TPST2: variants seen among roughly 807,000 people sequenced by gnomAD.
TPST2 encodes the protein tyrosylprotein sulfotransferase 2.
In TPST2, 16 loss-of-function variants were observed where a neutral mutation model predicts 27.8. The ratio of observed to expected loss-of-function variants is 0.58; its 90% CI spans 0.39 to 0.88. The LOEUF is 0.88. Among genes scored for constraint, TPST2 ranks in the 40% least tolerant of loss-of-function variants. TPST2 has a pLI of 0.00. For missense variants in TPST2, 464 were observed against 543.1 expected, an observed-to-expected ratio of 0.85 and a Z score of 1.45; for synonymous variants, 229 against 231.7, an observed-to-expected ratio of 0.99 and a Z score of 0.10.
chr22:26,525,104 A>G lies in TPST2; in HGVS notation c.*1171T>C, dbSNP rs1602243237. 1 of 152,218 alleles carries G rather than the reference A, an allele frequency of 6.6e-6. No homozygotes were observed. Among genetic ancestry groups the G allele is most frequent in the African/African-American group, 2.4e-5 (1 of 41,448 alleles). The allele number at this position is 152,218 out of a possible 1,614,324, so 9.4% of individuals were successfully genotyped here. A position where few individuals can be genotyped will look rare whatever the true frequency, so the allele number is the denominator to read the frequency against. ...GCTAGGGTGAGCTTTCTGGCTGGTA[A>G]TATTTAGTACGTGTTGTCACATATC... is the stretch of plus-strand genomic sequence containing the variant. On this transcript the variant is annotated 3_prime_UTR_variant, in exon 7 of 7. Transcript: ENST00000338754.
intron 1 of TPST2, among the ~76,000 whole-genome samples, chr22:26,561,634 T>C (rs1304584005): frequency 6.6e-6 from 1 of 152,214 alleles, no homozygotes; most frequent in Non-Finnish European, 1.5e-5. Flanking sequence ...AGATATTGCA[T>C]GTGAAGCACT....
intron 1 of TPST2, among the ~76,000 whole-genome samples, chr22:26,562,241 C>T (rs1927140613): frequency 6.6e-6 from 1 of 152,236 alleles, no homozygotes; most frequent in Admixed American, 6.5e-5. Context: ...CCTCTCTGAG[C>T]TCCAGTCTGC....
chr22:26,587,151 T>G (rs774982190), intron 1 of TPST2, among the ~76,000 whole-genome samples: 9 of 152,106 alleles, frequency 5.9e-5, no homozygotes, highest in Non-Finnish European at 1.2e-4. Context: ...GTCTTCCCCT[T>G]CAGTTATGGT....
intron 1 of TPST2, among the ~76,000 whole-genome samples, chr22:26,581,989 G>A (rs1272557801): frequency 6.6e-6 from 1 of 152,192 alleles, no homozygotes; most frequent in Admixed American, 6.5e-5. Flanking sequence ...TAGCGGGCCG[G>A]ATGTGGCCTA....
chr22:26,575,891 G>A (rs1927814781), intron 1 of TPST2, among the ~76,000 whole-genome samples: 1 of 152,136 alleles, frequency 6.6e-6, no homozygotes, highest in East Asian at 1.9e-4. Flanking sequence ...AGCTACTGAG[G>A]AGGCTGAGGC....
chr22:26,565,702 T>C (rs1927345391), intron 1 of TPST2: 1 of 152,210 alleles, frequency 6.6e-6, no homozygotes, highest in African/African-American at 2.4e-5. Flanking sequence ...TTCTCAGTTT[T>C]CCAGTAGCTA....
intron 3 of TPST2, among the ~76,000 whole-genome samples, chr22:26,538,049 C>T (rs1292865627): frequency 6.6e-6 from 1 of 152,214 alleles, no homozygotes; most frequent in Non-Finnish European, 1.5e-5. Context: ...CCCAAGCCAC[C>T]TGAATGATGC....
Position 26,568,828 on chromosome 22 carries a change from T to C in TPST2, c.-161+21225A>G, listed in dbSNP as rs141886723. Among the ~76,000 whole-genome samples, 16 of 152,168 alleles carry C rather than the reference T, an allele frequency of 1.1e-4. No homozygotes were observed. In the East Asian group the frequency reaches 2.9e-3, roughly 28 times the overall value. ...TTCTATTGTTTGTTTACTTCCTTAG[T>C]AAACTTGCTTTCACTTTATGAACTC... On this transcript the variant is annotated intron_variant, in intron 1 of 6. Coordinates refer to ENST00000338754, the MANE Select transcript of TPST2 (RefSeq NM_003595.5).
rs910353268 is a variant in TPST2, at chr22:26,584,796, A to G, written c.-161+5257T>C. The stretch of plus-strand genomic sequence containing the variant: ...CCTCTCTGAGCCTCAGCCTGTTCAC[A>G]TCATATGGCTGTTGGGGGAATTAAA... On this transcript the variant is annotated intron_variant, in intron 1 of 6. Coordinates refer to ENST00000338754, the MANE Select transcript of TPST2 (RefSeq NM_003595.5). 2.0e-5 allele frequency among the ~76,000 whole-genome samples: 3 copies of G among 152,216 alleles called. No homozygotes were observed. In the East Asian group the frequency reaches 5.8e-4, roughly 29 times the overall value.
chr22:26,555,364 G>A (rs1926736946), intron 1 of TPST2: 2 of 438,404 alleles, frequency 4.6e-6, no homozygotes, highest in South Asian at 3.3e-5. Context: ...GTGGAGTGCA[G>A]GGGTCAGGAG....
At chr22:26,565,998 A>G (rs559125504) in intron 1 of TPST2, among the ~76,000 whole-genome samples, 1 of 152,326 alleles carries the variant, frequency 6.6e-6, no homozygotes, top group African/African-American at 2.4e-5. Context: ...AAGAATGGGA[A>G]TGAGTATCTG....
At chr22:26,575,963 TCCAGCCTG>T (rs1927819370) in intron 1 of TPST2, among the ~76,000 whole-genome samples, 2 of 151,978 alleles carry the variant, frequency 1.3e-5, no homozygotes, top group East Asian at 3.9e-4. Context: ...GCCACCGCAC[TCCAGCCTG>T]GGTGACAGAG....
At position 26,541,001 on chromosome 22, in the gene TPST2, G is replaced by A. The variant is rs755012899; in HGVS notation, c.630C>T (p.Cys210=). The A allele has an allele frequency of 2.5e-6, 4 of 1,614,016 alleles. No homozygotes were observed. In the African/African-American group the frequency reaches 5.3e-5, roughly 22 times the overall value. The change falls in exon 3 of 7, where the codon TGC becomes TGT. Residue 210 remains cysteine (C), a synonymous_variant. Coordinates refer to ENST00000338754, the MANE Select transcript of TPST2 (RefSeq NM_003595.5). This position sits in a 1 kb window ranked among gnomAD's most constrained non-coding sequence, Gnocchi z 5.9. ...AGFDLSSYRD[C]LTKWNKAIEV... is the part of the protein sequence containing the mutation. ...CGATGGCCTTGTTCCACTTGGTGAG[G>A]CAGTCACGGTAGCTGCTGAGGTCAA...
At position 26,568,926 on chromosome 22, in the gene TPST2, C is replaced by T. The variant is rs546846860; in HGVS notation, c.-161+21127G>A. ...TCTCCCAGGCTGGAGTGCAGTGGCC[C>T]GATCTCGGCTCACTGCAAGCTCCGC... On this transcript the variant is annotated intron_variant, in intron 1 of 6. Transcript: ENST00000338754. 2.7e-5 allele frequency among the ~76,000 whole-genome samples: 4 copies of T among 150,638 alleles called. 1 individual carries two copies. The highest frequency in any genetic ancestry group is 6.8e-3 in the Middle Eastern group (2 of 294).
intron 1 of TPST2, among the ~76,000 whole-genome samples, chr22:26,546,278 G>A (rs1926119251): frequency 6.6e-6 from 1 of 152,074 alleles, no homozygotes; most frequent in Admixed American, 6.5e-5. Flanking sequence ...GGGAACCAAG[G>A]TGTAACCACA....
chr22:26,524,502 G>C lies in TPST2; in HGVS notation c.*1773C>G, dbSNP rs1037099805. 1.4e-5 allele frequency: 2 copies of C among 142,116 alleles called. No individual in the cohort carries two copies. The highest frequency in any genetic ancestry group is 3.0e-5 in the Non-Finnish European group (2 of 65,756). 8.8% of individuals were successfully genotyped at this position (142,116 alleles called of 1,614,324 possible). On this transcript the variant is annotated 3_prime_UTR_variant, in exon 7 of 7. Coordinates refer to ENST00000338754, the MANE Select transcript of TPST2 (RefSeq NM_003595.5). ...AGCCTGAGTGACAGAGCGAGATTCT[G>C]TCTAAACACACACATACACACATAC...
chr22:26,529,613 G>C (rs1448226510), intron 5 of TPST2, among the ~76,000 whole-genome samples: 2 of 152,192 alleles, frequency 1.3e-5, no homozygotes, highest in Non-Finnish European at 2.9e-5. Flanking sequence ...TTCCTGGTTG[G>C]TAAACACATT....
At chr22:26,572,479 T>G (rs938731484) in intron 1 of TPST2, among the ~76,000 whole-genome samples, 2 of 152,174 alleles carry the variant, frequency 1.3e-5, no homozygotes, top group African/African-American at 4.8e-5. Context: ...TTTACCTTTT[T>G]GCTCAATGCT....
In TPST2 at chr22:26,570,049, A is replaced by AGACAGAC. The variant is rs1569193952; in HGVS notation, c.-161+20003_-161+20004insGTCTGTC. ...AAAGAAAGAAAGAAAGAAAGACAGA[A>AGACAGAC]AGAAAGAAAGAAAGAAGGAAAGAAA... On this transcript the variant is annotated intron_variant, in intron 1 of 6. Coordinates refer to ENST00000338754, the MANE Select transcript of TPST2 (RefSeq NM_003595.5). 1.7e-4 allele frequency among the ~76,000 whole-genome samples: 16 copies of AGACAGAC among 96,014 alleles called. 2 individuals carry two copies. The highest frequency in any genetic ancestry group is 7.1e-4 in the African/African-American group (14 of 19,832). 63.0% of individuals were successfully genotyped at this position (96,014 alleles called of 152,430 possible). A position where few individuals can be genotyped will look rare whatever the true frequency, so the allele number is the denominator to read the frequency against.
Sources: gnomAD v4.1 joint callset for allele counts (sites outside exome capture counted in the v4.1 genomes callset) on GRCh38, gnomAD v4.1.1 for gene constraint, Gnocchi (gnomAD v3.1) non-coding constraint, MANE v1.5 for transcripts, NCBI Gene and HGNC (gene_info 2026-07-23, HGNC 2026-07-21) for gene names.